The following NBPF12 variants were observed in gnomAD, a reference collection of about 807,000 sequenced individuals.
The protein encoded by NBPF12 is NBPF member 12.
Under a neutral mutation model 146.4 loss-of-function variants are expected in NBPF12, and 115 were observed. The observed-to-expected ratio is 0.79, with a 90% CI of 0.68 to 0.92. The LOEUF is 0.92. Ranked by LOEUF, NBPF12 falls within the 40% of genes least tolerant of loss-of-function variation. The pLI, the probability that NBPF12 is intolerant of heterozygous loss-of-function variation, is 0.00. For synonymous variants in NBPF12, 385 were observed against 508.9 expected, an observed-to-expected ratio of 0.76 and a Z score of 3.28; for missense variants, 1,205 against 1,326.8, an observed-to-expected ratio of 0.91 and a Z score of 1.43.
chr1:146,969,432 G>A, exon 11 of NBPF12: 2 of 1,427,796 alleles, frequency 1.4e-6, no homozygotes, highest in South Asian at 1.1e-5. Context: ...ACCCAGTTAA[G>A]GGAGAAGTTA....
chr1:146,963,453 G>A (rs1430210027), intron 6 of NBPF12, 144 bp downstream of exon 9: 221,240 of 1,550,876 alleles, frequency 0.14, 9,108 homozygotes, highest in Admixed American at 0.3. Flanking sequence ...GACTTCCTGG[G>A]TAAGAACAGA....
chr1:146,956,058 T>TA (rs1655572635), intron 2 of NBPF12, among the ~76,000 whole-genome samples: 1 of 151,816 alleles, frequency 6.6e-6, no homozygotes, highest in South Asian at 2.1e-4. Context: ...AGGCCTGTGT[T>TA]AGTGAGACCT....
intron 12 of NBPF12, 74 bp from the exon 16 acceptor site, chr1:146,971,109 C>T (rs1193753571): frequency 2.5e-6 from 4 of 1,605,390 alleles, no homozygotes; most frequent in Non-Finnish European, 3.4e-6. Flanking sequence ...CTTGTCAAAA[C>T]CAGCTAGGAC....
chr1:146,948,653 G>T (rs1168792049), upstream of NBPF12, among the ~76,000 whole-genome samples: 1 of 152,058 alleles, frequency 6.6e-6, no homozygotes, highest in Non-Finnish European at 1.5e-5. Context: ...ATTGTCCAAG[G>T]TTTCTCCCCA....
rs1553888386 is a variant in NBPF12 at position 146,984,634 on chromosome 1, T to C, written c.2667-179T>C. 1.1e-3 allele frequency among the ~76,000 whole-genome samples: 154 copies of C among 143,544 alleles called. 5 individuals are homozygous for C. Among genetic ancestry groups the C allele is most frequent in the African/African-American group, 3.9e-3 (144 of 36,638 alleles). The allele number at this position is 143,544 out of a possible 152,430, so 94.2% of individuals were successfully genotyped here. A position where few individuals can be genotyped will look rare whatever the true frequency, so the allele number is the denominator to read the frequency against. ...GTGTGTGTGTGTGTGTCTTTCTCTT[T>C]CATCCTTTTCTACCTGGCCCTAGTC... On this transcript the variant is annotated intron_variant, in intron 21 of 33. Transcript: ENST00000617844.
chr1:146,970,638 T>C lies in NBPF12; in HGVS notation c.1307-9T>C. On this transcript the variant is annotated splice_polypyrimidine_tract_variant and intron_variant, in intron 11 of 33. Transcript: ENST00000617844. The stretch of plus-strand genomic sequence containing the variant: ...GGAAAATATCTGAACGAACATTTTG[T>C]ATTTATAGAAAATGATGAAGATGAG... The C allele has an allele frequency of 6.5e-7, 1 of 1,549,820 alleles. No individual in the cohort carries two copies. The highest frequency in any genetic ancestry group is 8.9e-7 in the Non-Finnish European group (1 of 1,124,984).
At chr1:146,973,014 C>G (rs1553886839) in intron 14 of NBPF12, 54 bp downstream of exon 17, 3 of 821,856 alleles carry the variant, frequency 3.7e-6, no homozygotes, top group Non-Finnish European at 6.5e-6. Flanking sequence ...CCTGTCTTCT[C>G]TCTGAGAAAC....
At chr1:146,987,755 G>GTGTGTGTGTC (rs1657879866) in intron 25 of NBPF12, among the ~76,000 whole-genome samples, 199 bp from the exon 29 acceptor site, 2 of 151,628 alleles carry the variant, frequency 1.3e-5, no homozygotes, top group African/African-American at 4.9e-5. Context: ...GTGTGTGTGT[G>GTGTGTGTGTC]TGTGTCTGTC....
chr1:146,983,283 G>T (rs1188025420), intron 20 of NBPF12, 192 bp downstream of exon 23: 7 of 606,452 alleles, frequency 1.2e-5, no homozygotes, highest in Non-Finnish European at 1.6e-5. Flanking sequence ...AGTGAGCTCT[G>T]CTCTCTTCCT....
chr1:146,965,157 A>G (rs1553885459), intron 8 of NBPF12, 53 bp downstream of exon 11: 27 of 1,027,052 alleles, frequency 2.6e-5, no homozygotes, highest in Middle Eastern at 5.0e-4. Flanking sequence ...ATGGAAGATC[A>G]ATTCTGAGGA....
At position 146,961,958 on chromosome 1, in the gene NBPF12, C is replaced by T. The variant is rs1291162880; in HGVS notation, c.176-203C>T. On this transcript the variant is annotated intron_variant, in intron 4 of 33. Transcript: ENST00000617844. ...ACTTCCTTGATGTGCTCTTGAGTTT[C>T]TCTTTCTTCGTCTTTAAATTTTGGA... Among the ~76,000 whole-genome samples the T allele has an allele frequency of 4.6e-5, 7 of 152,224 alleles. 1 individual carries two copies. The highest frequency in any genetic ancestry group is 1.4e-4 in the African/African-American group (6 of 41,474).
At chr1:146,981,314 T>TATATATATAC (rs1346881147) in intron 19 of NBPF12, among the ~76,000 whole-genome samples, 1 of 127,820 alleles carries the variant, frequency 7.8e-6, no homozygotes, top group African/African-American at 2.9e-5. Flanking sequence ...TATATATATA[T>TATATATATAC]ACATACACAC....
intron 1 of NBPF12, 62 bp downstream of exon 1, chr1:146,939,074 G>A (rs1376749303): frequency 1.3e-5 from 2 of 152,228 alleles, no homozygotes; most frequent in East Asian, 1.9e-4. Flanking sequence ...GCCGCCGCAA[G>A]TTTTGTTACG....
At chr1:146,956,379 A>C (rs1655588517) in intron 2 of NBPF12, among the ~76,000 whole-genome samples, 1 of 152,032 alleles carries the variant, frequency 6.6e-6, no homozygotes, top group East Asian at 1.9e-4. Context: ...GGGGTACAAG[A>C]AACTTTGGGG....
chr1:146,969,700 A>T, intron 11 of NBPF12, 104 bp downstream of exon 14: 2 of 1,562,874 alleles, frequency 1.3e-6, no homozygotes, highest in Non-Finnish European at 1.8e-6. Context: ...GTTTTTTTCT[A>T]CTACACATGT....
At chr1:146,976,678 C>A (rs1657054956) in intron 16 of NBPF12, among the ~76,000 whole-genome samples, 1 of 151,686 alleles carries the variant, frequency 6.6e-6, no homozygotes, top group Admixed American at 6.6e-5. Flanking sequence ...GCACAAGCCT[C>A]CAGTGATATG....
chr1:146,991,486 C>G (rs1658151679), intron 30 of NBPF12, among the ~76,000 whole-genome samples: 1 of 152,224 alleles, frequency 6.6e-6, no homozygotes, highest in African/African-American at 2.4e-5. Context: ...GGCTCTATTC[C>G]TAGTCTCCAG....
In NBPF12 at chr1:146,969,842, A is replaced by G. The variant is rs1472353792; in HGVS notation, c.1306+246A>G. 1.6e-3 allele frequency among the ~76,000 whole-genome samples: 245 copies of G among 150,984 alleles called. 8 individuals are homozygous for G. Among genetic ancestry groups the G allele is most frequent in the Admixed American group, 4.7e-3 (72 of 15,192 alleles). On this transcript the variant is annotated intron_variant, in intron 11 of 33. Transcript: ENST00000617844. ...GTCTTTGGAGCAAGAGGCAGCATCT[A>G]TCTAGTTTTAAAGGACAGGAAGGAG...
intron 6 of NBPF12, among the ~76,000 whole-genome samples, chr1:146,963,756 C>T (rs1404127505): frequency 6.7e-6 from 1 of 149,318 alleles, no homozygotes; most frequent in Non-Finnish European, 1.5e-5. Context: ...GGGTCTGAAG[C>T]ATCCAAATAT....
Sources: gnomAD v4.1 joint callset for allele counts (sites outside exome capture counted in the v4.1 genomes callset) on GRCh38, gnomAD v4.1.1 for gene constraint, MANE v1.5 for transcripts, NCBI Gene and HGNC (gene_info 2026-07-23, HGNC 2026-07-21) for gene names.